Variants in TSPAN15 observed in about 807,000 individuals in gnomAD.
TSPAN15 encodes the protein tetraspanin-15.
In TSPAN15, 20 loss-of-function variants were observed where a neutral mutation model predicts 34.5. The ratio of observed to expected loss-of-function variants is 0.58; its 90% CI spans 0.41 to 0.84. The LOEUF (loss-of-function observed/expected upper bound fraction) is 0.84, where lower values mean the gene tolerates loss of function less well. Ranked by LOEUF, TSPAN15 falls within the 40% of genes least tolerant of loss-of-function variation. The pLI is 0.00. For missense variants in TSPAN15, 313 were observed against 386.1 expected (o/e 0.81, Z 1.59); for synonymous variants, 155 against 153.9 (o/e 1.01, Z -0.05).
At chr10:69,531,491 C>T in the TSPAN15 span, among the ~76,000 whole-genome samples, 4 of 152,054 alleles carry the variant, frequency 2.6e-5, no homozygotes, top group Non-Finnish European at 5.9e-5. Flanking sequence ...CCCAGCTACT[C>T]AGGAGGCTGA....
chr10:69,452,852 C>A (rs182324421), intron 1 of TSPAN15, among the ~76,000 whole-genome samples: 14 of 152,338 alleles, frequency 9.2e-5, no homozygotes, highest in Admixed American at 7.8e-4. Flanking sequence ...CACACACTCT[C>A]CCCTGGTGTC....
chr10:69,477,383 G>T (rs1362164082), intron 1 of TSPAN15, among the ~76,000 whole-genome samples: 1 of 152,078 alleles, frequency 6.6e-6, no homozygotes, highest in African/African-American at 2.4e-5. Context: ...AAAATGCTGG[G>T]ATTACAGACA....
At chr10:69,523,214 GTTTGT>G in the TSPAN15 span, 1 of 271,036 alleles carries the variant, frequency 3.7e-6, no homozygotes, top group Non-Finnish European at 6.9e-6. Context: ...ATTTTGTTTT[GTTTGT>G]TTGTTATTTG....
chr10:69,517,457 A>G, the TSPAN15 span, among the ~76,000 whole-genome samples: 1 of 152,194 alleles, frequency 6.6e-6, no homozygotes, highest in Non-Finnish European at 1.5e-5. Flanking sequence ...GAGGCTGACA[A>G]GGGCTCCACT....
intron 3 of TSPAN15, among the ~76,000 whole-genome samples, chr10:69,489,889 G>T (rs1841932974): frequency 6.6e-6 from 1 of 152,234 alleles, no homozygotes; most frequent in African/African-American, 2.4e-5. Flanking sequence ...CCCCAGTTGT[G>T]TGGGTCTCAA....
At chr10:69,463,808 C>CAAA (rs56064605) in intron 1 of TSPAN15, among the ~76,000 whole-genome samples, 28,758 of 116,402 alleles carry the variant, frequency 0.25, 3,648 homozygotes, top group Non-Finnish European at 0.32. Context: ...GACTCCGTCT[C>CAAA]AAAAAAAAAA....
chr10:69,498,308 G>T lies in TSPAN15; in HGVS notation c.482G>T (p.Arg161Leu). Residue 161 changes from arginine (R) to leucine (L), a missense_variant, in exon 5 of 8, where the codon CGA becomes CTA. Coordinates refer to ENST00000373290, the MANE Select transcript of TSPAN15 (RefSeq NM_012339.5). ...AAGTGCTGTGGCGGGGAGGACTACCGAGATTGGAGCAAGAATCAGTACCAC... is the reference window on the plus strand; with the variant it reads ...AAGTGCTGTGGCGGGGAGGACTACCTAGATTGGAGCAAGAATCAGTACCAC... ...KFKCCGGEDY[R>L]DWSKNQYHDC... The T allele has an allele frequency of 6.2e-7, 1 of 1,613,728 alleles. No individual in the cohort carries two copies. Among genetic ancestry groups the T allele is most frequent in the Non-Finnish European group, 8.5e-7 (1 of 1,179,994 alleles).
At position 69,494,697 on chromosome 10, in the gene TSPAN15, C is replaced by T. The variant is rs569197590; in HGVS notation, c.358-897C>T. ...ACCAGGATCCTGTTGTCCCAGCGTA[C>T]GCTGTGGTGCCACCCCCGGGAATTG... On this transcript the variant is annotated intron_variant, in intron 3 of 7. Coordinates refer to ENST00000373290, the MANE Select transcript of TSPAN15 (RefSeq NM_012339.5). 2.0e-4 allele frequency: 197 copies of T among 985,368 alleles called. 1 individual carries two copies. In the Admixed American group the frequency reaches 0.01, roughly 51 times the overall value. 61.0% of individuals were successfully genotyped at this position (985,368 alleles called of 1,614,324 possible).
At chr10:69,501,960 C>T (rs76865245) in intron 5 of TSPAN15, among the ~76,000 whole-genome samples, 1,804 of 152,100 alleles carry the variant, frequency 0.012, 33 homozygotes, top group African/African-American at 0.04. Context: ...GGTTTCATCC[C>T]GACACCATCA....
At chr10:69,509,928 A>T (rs188616709), downstream of TSPAN15, among the ~76,000 whole-genome samples, 1 of 151,954 alleles carries the variant, frequency 6.6e-6, no homozygotes, top group Non-Finnish European at 1.5e-5. Context: ...GTTCTGTTCT[A>T]TTGGTCTATA....
At chr10:69,471,177 G>T (rs1267670261) in intron 1 of TSPAN15, among the ~76,000 whole-genome samples, 7 of 152,158 alleles carry the variant, frequency 4.6e-5, no homozygotes, top group Admixed American at 4.6e-4. Flanking sequence ...GATTTTTGTG[G>T]TTTTCTTTCA....
intron 3 of TSPAN15, among the ~76,000 whole-genome samples, chr10:69,485,468 C>T (rs1841832303): frequency 6.6e-6 from 1 of 152,104 alleles, no homozygotes; most frequent in Non-Finnish European, 1.5e-5. Flanking sequence ...GAGTGAGGTC[C>T]CAGCAGAGGG....
intron 5 of TSPAN15, among the ~76,000 whole-genome samples, chr10:69,499,652 C>A (rs1367060330): frequency 2.0e-5 from 3 of 152,150 alleles, no homozygotes; most frequent in African/African-American, 7.2e-5. Flanking sequence ...AGGTGACATC[C>A]TAGTGGAGAA....
chr10:69,507,584 G>C lies in TSPAN15; in HGVS notation c.*606G>C. ...AGGAGTTTCTGACTAATCAAAGCTG[G>C]TATTTCCCCGCATGTCTTATTCTTG... is the stretch of plus-strand genomic sequence containing the variant. On this transcript the variant is annotated 3_prime_UTR_variant, in exon 8 of 8. Transcript: ENST00000373290. The C allele has an allele frequency of 7.7e-7, 1 of 1,302,996 alleles. No individual in the cohort carries two copies. The highest frequency in any genetic ancestry group is 1.0e-6 in the Non-Finnish European group (1 of 988,800). 80.7% of individuals were successfully genotyped at this position (1,302,996 alleles called of 1,614,324 possible).
At chr10:69,548,331 A>G in the TSPAN15 span, among the ~76,000 whole-genome samples, 3 of 152,362 alleles carry the variant, frequency 2.0e-5, no homozygotes, top group Admixed American at 2.0e-4. Context: ...TCATTATTGT[A>G]CAGGAGCTGC....
In TSPAN15 at chr10:69,506,168, C is replaced by T. The variant is rs763326096; in HGVS notation, c.663C>T (p.Asn221=). 1.3e-5 allele frequency: 21 copies of T among 1,614,104 alleles called. No homozygotes were observed. The highest frequency in any genetic ancestry group is 8.0e-5 in the African/African-American group (6 of 74,938). The part of the protein sequence containing the change: ...QDVIYVRGCT[N]AVIIWFMDNY... ...TCATCTACGTGCGGGGCTGCACCAA[C>T]GCCGTGATCATCTGGTTCATGGACA... Residue 221 remains asparagine, a synonymous_variant, in exon 7 of 8, where the codon AAC becomes AAT. Coordinates refer to ENST00000373290, the MANE Select transcript of TSPAN15 (RefSeq NM_012339.5). The surrounding 1 kb of genome is among the most constrained non-coding windows in gnomAD (Gnocchi z 4.7).
chr10:69,529,850 C>T, the TSPAN15 span, among the ~76,000 whole-genome samples: 52 of 146,270 alleles, frequency 3.6e-4, 3 homozygotes, highest in Non-Finnish European at 7.5e-5. Context: ...CCCTCCCACC[C>T]TTCCCCCGCA....
rs544734623 is a variant in TSPAN15, at chr10:69,483,396, C to T, written c.97-295C>T. Among the ~76,000 whole-genome samples the T allele has an allele frequency of 2.0e-5, 3 of 151,898 alleles. No homozygotes were observed. The South Asian group carries it at 6.2e-4, about 31-fold the overall frequency. On this transcript the variant is annotated intron_variant, in intron 1 of 7. Coordinates refer to ENST00000373290, the MANE Select transcript of TSPAN15 (RefSeq NM_012339.5). Reference sequence around the variant, plus strand: ...GAGTGTCTGTGTCATAATCTCTTCCCCTTATAAGGACACCAGTCATATTGG... The same window carrying T: ...GAGTGTCTGTGTCATAATCTCTTCCTCTTATAAGGACACCAGTCATATTGG...
chr10:69,496,247 T>G (rs12416663), intron 4 of TSPAN15, among the ~76,000 whole-genome samples: 1 of 151,654 alleles, frequency 6.6e-6, no homozygotes, highest in Non-Finnish European at 1.5e-5. Flanking sequence ...TGACACTTCC[T>G]TGAATGTGAT....
Sources: gnomAD v4.1 joint callset for allele counts (sites outside exome capture counted in the v4.1 genomes callset) on GRCh38, gnomAD v4.1.1 for gene constraint, Gnocchi (gnomAD v3.1) non-coding constraint, MANE v1.5 for transcripts, NCBI Gene and HGNC (gene_info 2026-07-23, HGNC 2026-07-21) for gene names.